Variants in POF1B observed in about 807,000 individuals in gnomAD.
POF1B encodes POF1B actin binding protein.
In POF1B, 53 loss-of-function variants were observed where a neutral mutation model predicts 55.3. The observed-to-expected ratio is 0.96, with a 90% CI of 0.77 to 1.20. The LOEUF is 1.20. Among genes scored for constraint, POF1B ranks in the 50% most tolerant of loss-of-function variants. POF1B has a pLI of 0.00. For synonymous variants in POF1B, 188 were observed against 148.3 expected (o/e 1.27, Z -1.95); for missense variants, 478 against 420.5 (o/e 1.14, Z -1.20).
At chrX:85,360,121 C>A (rs1357993665) in intron 3 of POF1B, among the ~76,000 whole-genome samples, 1 of 108,906 alleles carries the variant, frequency 9.2e-6, no homozygotes, top group African/African-American at 3.3e-5. Flanking sequence ...TTGGGGGGTT[C>A]ATGTAGATTT....
intron 3 of POF1B, among the ~76,000 whole-genome samples, chrX:85,363,671 T>C (rs777806340): frequency 8.9e-6 from 1 of 111,922 alleles, no homozygotes; most frequent in African/African-American, 3.2e-5. Flanking sequence ...TCTGATTGTT[T>C]GGTGGATTTT....
intron 6 of POF1B, among the ~76,000 whole-genome samples, chrX:85,336,789 A>G (rs1933083040): frequency 9.0e-6 from 1 of 111,379 alleles, no homozygotes; most frequent in Non-Finnish European, 1.9e-5. Context: ...TGTACAGAAG[A>G]TTTTAACTTG....
chrX:85,363,472 C>T (rs1213042842), intron 3 of POF1B, among the ~76,000 whole-genome samples: 1 of 111,636 alleles, frequency 9.0e-6, no homozygotes, highest in Non-Finnish European at 1.9e-5. Flanking sequence ...TTTCAAAGAA[C>T]TTCTTGATTT....
At chrX:85,346,379 C>T (rs1215087727) in intron 5 of POF1B, among the ~76,000 whole-genome samples, 1 of 109,599 alleles carries the variant, frequency 9.1e-6, no homozygotes, top group Non-Finnish European at 1.9e-5. Flanking sequence ...ATTCAGTAGG[C>T]ACTTCAGAAT....
chrX:85,308,227 A>G lies in POF1B; in HGVS notation c.958-11T>C. On this transcript the variant is annotated splice_polypyrimidine_tract_variant and intron_variant, in intron 9 of 16. Transcript: ENST00000262753. ...AGACATACCCCTCATCTGCAGGAAG[A>G]AAGGATTAATGGTTTAGTTTTATTA... The G allele has an allele frequency of 2.7e-6, 3 of 1,103,079 alleles. No homozygotes were observed. Among genetic ancestry groups the G allele is most frequent in the South Asian group, 2.3e-5 (1 of 42,946 alleles). 90.9% of individuals were successfully genotyped at this position (1,103,079 alleles called of 1,213,427 possible). A position where few individuals can be genotyped will look rare whatever the true frequency, so the allele number is the denominator to read the frequency against.
intron 15 of POF1B, among the ~76,000 whole-genome samples, chrX:85,287,111 G>T (rs1932070466): frequency 9.0e-6 from 1 of 111,391 alleles, no homozygotes; most frequent in South Asian, 3.7e-4. Flanking sequence ...TGCTTAAGTA[G>T]AAATTTATAG....
chrX:85,294,543 A>G (rs781187139), intron 15 of POF1B, among the ~76,000 whole-genome samples: 1 of 112,011 alleles, frequency 8.9e-6, no homozygotes, highest in East Asian at 2.8e-4. Context: ...AGTTGAACCA[A>G]CCTTGAATCC....
intron 3 of POF1B, among the ~76,000 whole-genome samples, chrX:85,360,977 G>A (rs1260914139): frequency 9.0e-6 from 1 of 111,491 alleles, no homozygotes; most frequent in Non-Finnish European, 1.9e-5. Flanking sequence ...CTAATGATCA[G>A]TGATATTGAG....
At chrX:85,298,961 A>G (rs1293177114) in intron 15 of POF1B, among the ~76,000 whole-genome samples, 1 of 108,329 alleles carries the variant, frequency 9.2e-6, no homozygotes, top group African/African-American at 3.3e-5. Flanking sequence ...GAAAATATAC[A>G]ACAACCTCCA....
chrX:85,339,493 T>C (rs1162113596), intron 6 of POF1B, among the ~76,000 whole-genome samples: 1 of 111,207 alleles, frequency 9.0e-6, no homozygotes, highest in East Asian at 2.9e-4. Context: ...GAAAGAAAGA[T>C]ATCAAGAATA....
At chrX:85,357,866 C>T (rs1436540878) in intron 4 of POF1B, among the ~76,000 whole-genome samples, 1 of 110,903 alleles carries the variant, frequency 9.0e-6, no homozygotes, top group Non-Finnish European at 1.9e-5. Context: ...TTTTAACTGC[C>T]TGTTAGTTAA....
chrX:85,329,127 A>G (rs1055077500), intron 7 of POF1B, among the ~76,000 whole-genome samples: 4 of 112,068 alleles, frequency 3.6e-5, no homozygotes, highest in Non-Finnish European at 7.5e-5. Flanking sequence ...TGTGATCTTA[A>G]TAACTTATTT....
intron 4 of POF1B, among the ~76,000 whole-genome samples, chrX:85,356,173 G>T (rs191391742): frequency 2.7e-5 from 3 of 110,305 alleles, no homozygotes; most frequent in African/African-American, 9.9e-5. Context: ...CATGGATGAA[G>T]CCGGAAACCA....
chrX:85,305,959 T>C lies in POF1B; in HGVS notation c.1318-49A>G, dbSNP rs987334316. On this transcript the variant is annotated intron_variant, in intron 12 of 16. Transcript: ENST00000262753. ...TGTAATTGGATTGTTTTGAAGAAAA[T>C]ACATGTTATGTTACAAGGATTGTTA... is the stretch of plus-strand genomic sequence containing the variant. The C allele has an allele frequency of 2.6e-6, 3 of 1,157,356 alleles. No individual in the cohort carries two copies. The South Asian group carries it at 5.8e-5, about 23-fold the overall frequency.
At chrX:85,354,210 T>G (rs917119859) in intron 4 of POF1B, among the ~76,000 whole-genome samples, 13 of 111,010 alleles carry the variant, frequency 1.2e-4, no homozygotes, top group Non-Finnish European at 5.7e-5. Context: ...AAAATGACAC[T>G]TGTTTTAAAT....
At chrX:85,340,327 A>G (rs1323526226) in intron 6 of POF1B, among the ~76,000 whole-genome samples, 1 of 111,030 alleles carries the variant, frequency 9.0e-6, no homozygotes, top group African/African-American at 3.3e-5. Flanking sequence ...TGATGCCAGT[A>G]AAAGGAGAAG....
At chrX:85,292,146 T>C in intron 15 of POF1B, among the ~76,000 whole-genome samples, 1 of 111,564 alleles carries the variant, frequency 9.0e-6, no homozygotes, top group Non-Finnish European at 1.9e-5. Flanking sequence ...TTGACATAAA[T>C]GGGTGTTGAA....
intron 2 of POF1B, among the ~76,000 whole-genome samples, chrX:85,368,346 G>A (rs973629431): frequency 3.6e-5 from 4 of 110,588 alleles, no homozygotes; most frequent in African/African-American, 1.3e-4. Flanking sequence ...CTTATTTCAC[G>A]TTGCATGCCT....
chrX:85,300,465 T>G (rs1414571461), intron 15 of POF1B, among the ~76,000 whole-genome samples: 1 of 112,132 alleles, frequency 8.9e-6, no homozygotes, highest in Non-Finnish European at 1.9e-5. Flanking sequence ...AGCAGAGACT[T>G]CAGTGACCAC....
Sources: gnomAD v4.1 joint callset for allele counts (sites outside exome capture counted in the v4.1 genomes callset) on GRCh38, gnomAD v4.1.1 for gene constraint, MANE v1.5 for transcripts, NCBI Gene and HGNC (gene_info 2026-07-23, HGNC 2026-07-21) for gene names.